UNC45A: variants seen among roughly 807,000 people sequenced by gnomAD.
The protein encoded by UNC45A is protein unc-45 homolog A.
UNC45A carries 78 observed loss-of-function variants against 103.2 expected under a neutral mutation model. That is an observed-to-expected ratio of 0.76 (90% CI 0.63 to 0.91). The LOEUF (loss-of-function observed/expected upper bound fraction) is 0.91. UNC45A is among the 40% of genes least tolerant of loss of function. The pLI, the probability that UNC45A is intolerant of heterozygous loss-of-function variation, is 0.00. For missense variants in UNC45A, 1,193 were observed against 1,224.8 expected (o/e 0.97, Z 0.39); for synonymous variants, 495 against 504.6 (o/e 0.98, Z 0.25).
At position 90,946,679 on chromosome 15, in the gene UNC45A, T is replaced by C. The variant is rs750564994; in HGVS notation, c.1265T>C (p.Leu422Pro). 1.9e-6 allele frequency: 3 copies of C among 1,612,428 alleles called. No individual in the cohort carries two copies. The highest frequency in any genetic ancestry group is 2.2e-5 in the South Asian group (2 of 90,996). The change falls in exon 10 of 20, where the codon CTG becomes CCG. Residue 422 changes from leucine to proline, a missense_variant. Leu to Pro is a moderately conservative substitution (Grantham distance 98, BLOSUM62 -3). Transcript: ENST00000418476. ...GCCATCCAGACGGTGTCCTGCCTCCTGCAGGGCCCATGTGACGCTGGCAAC... is the reference window on the plus strand; with the variant it reads ...GCCATCCAGACGGTGTCCTGCCTCCCGCAGGGCCCATGTGACGCTGGCAAC... ...LRAIQTVSCL[L>P]QGPCDAGNRA...
chr15:90,950,516 G>A lies in UNC45A; in HGVS notation c.2204G>A (p.Arg735Gln), dbSNP rs528888745. The A allele has an allele frequency of 1.5e-5, 24 of 1,614,020 alleles. No homozygotes were observed. Among genetic ancestry groups the A allele is most frequent in the East Asian group, 2.2e-5 (1 of 44,890 alleles). ...FPGERIYEVVRPLVSLLHLNC... is the reference protein window; with the variant it reads ...FPGERIYEVVQPLVSLLHLNC... ...ACATTGCAGATCTATGAGGTGGTCCGGCCCCTCGTCTCCCTGTTGCACCTC... is the reference window on the plus strand; with the variant it reads ...ACATTGCAGATCTATGAGGTGGTCCAGCCCCTCGTCTCCCTGTTGCACCTC... The change falls in exon 17 of 20, where the codon CGG becomes CAG. Residue 735 changes from arginine (R) to glutamine (Q), a missense_variant. Physicochemically the swap from Arg to Gln is conservative, Grantham distance 43. Coordinates refer to ENST00000418476, the MANE Select transcript of UNC45A (RefSeq NM_018671.5).
At chr15:90,937,887 C>T (rs1284348168) in intron 4 of UNC45A, among the ~76,000 whole-genome samples, 1 of 152,144 alleles carries the variant, frequency 6.6e-6, no homozygotes, top group Non-Finnish European at 1.5e-5. Flanking sequence ...ACCTCTTCCT[C>T]CCGGGCTCAA....
Position 90,935,986 on chromosome 15 carries a change from G to A in UNC45A, c.250+4G>A. On this transcript the variant is annotated splice_donor_region_variant and intron_variant, in intron 3 of 19. Coordinates refer to ENST00000418476, the MANE Select transcript of UNC45A (RefSeq NM_018671.5). ...GCAGAAACAGAGGCATCCAAAGGTA[G>A]GGGAATGGTGGGCCCTGGTGTGGAG... 1 of 1,614,054 alleles carries A rather than the reference G, an allele frequency of 6.2e-7. No homozygotes were observed. The highest frequency in any genetic ancestry group is 8.5e-7 in the Non-Finnish European group (1 of 1,180,014).
At chr15:90,940,277 A>C (rs367689386) in intron 5 of UNC45A, 29 bp from the exon 6 acceptor site, 48 of 1,599,874 alleles carry the variant, frequency 3.0e-5, no homozygotes, top group African/African-American at 5.4e-5. Flanking sequence ...GTGCAGTGTC[A>C]ACATTATAAT....
chr15:90,946,590 C>A, intron 9 of UNC45A, 24 bp from the exon 10 acceptor site: 3 of 1,573,780 alleles, frequency 1.9e-6, no homozygotes, highest in Non-Finnish European at 2.6e-6. Context: ...CTTGGTGTGA[C>A]GGCTGTCACC....
chr15:90,932,221 G>A (rs2035825188), upstream of UNC45A: 3 of 1,228,460 alleles, frequency 2.4e-6, no homozygotes, highest in Middle Eastern at 2.6e-4. Flanking sequence ...CTAGCTGGGT[G>A]ACCTTGGTCA....
At chr15:90,936,895 G>A (rs1489008535) in intron 4 of UNC45A, among the ~76,000 whole-genome samples, 1 of 152,158 alleles carries the variant, frequency 6.6e-6, no homozygotes, top group Non-Finnish European at 1.5e-5. Context: ...AGCCTTTTTT[G>A]TAGTAAGAAA....
chr15:90,945,072 G>A lies in UNC45A; in HGVS notation c.1199+9G>A. On this transcript the variant is annotated intron_variant, in intron 9 of 19. Coordinates refer to ENST00000418476, the MANE Select transcript of UNC45A (RefSeq NM_018671.5). ...TGTGAAAACTACATCAAGTAAGGAA[G>A]TCTGTTTCACCTCCCGTTGCCAGGG... 6.2e-7 allele frequency: 1 copy of A among 1,610,612 alleles called. No homozygotes were observed.
chr15:90,931,162 C>T, upstream of UNC45A: 4 of 1,331,362 alleles, frequency 3.0e-6, no homozygotes, highest in Admixed American at 2.5e-5. Context: ...TTTTTGGCCT[C>T]TAATATCTGG....
At position 90,935,638 on chromosome 15, in the gene UNC45A, G is replaced by A; in HGVS notation, c.146G>A (p.Gly49Asp). 1 of 1,612,350 alleles carries A rather than the reference G, an allele frequency of 6.2e-7. No homozygotes were observed. Among genetic ancestry groups the A allele is most frequent in the Non-Finnish European group, 8.5e-7 (1 of 1,179,314 alleles). ...GALAAYTQAL[G>D]LDATPQDQAV... ...CTGGCGGCCTACACTCAGGCCCTGG[G>A]TCTGGACGCGACGCCCCAGGACCAG... The change falls in exon 2 of 20, where the codon GGT (glycine) becomes GAT (aspartate). Residue 49 changes from glycine to aspartate, a missense_variant. Coordinates refer to ENST00000418476, the MANE Select transcript of UNC45A (RefSeq NM_018671.5).
intron 9 of UNC45A, among the ~76,000 whole-genome samples, chr15:90,945,904 T>C (rs77706404): frequency 0.35 from 39,426 of 112,100 alleles, 5,531 homozygotes; most frequent in East Asian, 0.63. Context: ...CCTCCTAAAG[T>C]GCTGGGATTA....
intron 4 of UNC45A, among the ~76,000 whole-genome samples, chr15:90,939,489 C>G (rs71409368): frequency 0.057 from 8,744 of 152,282 alleles, 370 homozygotes; most frequent in South Asian, 0.15. Context: ...AAAAGGCACT[C>G]CAGCATCGGC....
intron 17 of UNC45A, 56 bp from the exon 18 acceptor site, chr15:90,952,873 T>C: frequency 2.6e-6 from 4 of 1,523,874 alleles, no homozygotes; most frequent in Non-Finnish European, 3.6e-6. Context: ...AACATGAGGG[T>C]TAGAAGGGAA....
At chr15:90,946,939 TGGGC>T in intron 10 of UNC45A, 25 bp downstream of exon 10, 1 of 839,530 alleles carries the variant, frequency 1.2e-6, no homozygotes, top group Non-Finnish European at 1.9e-6. Context: ...CTGGGGTGGG[TGGGC>T]AGGCAGCCAG....
At chr15:90,942,375 G>A (rs1185855908) in intron 6 of UNC45A, 62 bp from the exon 7 acceptor site, 3 of 1,532,582 alleles carry the variant, frequency 2.0e-6, no homozygotes, top group African/African-American at 1.4e-5. Context: ...TCACAGTTAG[G>A]GATCTCTGTG....
Position 90,946,809 on chromosome 15 carries a change from C to G in UNC45A, c.1395C>G (p.Ala465=). The G allele has an allele frequency of 6.2e-7, 1 of 1,614,196 alleles. No individual in the cohort carries two copies. The highest frequency in any genetic ancestry group is 8.5e-7 in the Non-Finnish European group (1 of 1,180,032). Reference sequence around the variant, plus strand: ...CCGTGGAGGCTCTGATCCATGCAGCCGGCAAGGCTAAGCGGGCCTCATTCA... The same window carrying G: ...CCGTGGAGGCTCTGATCCATGCAGCGGGCAAGGCTAAGCGGGCCTCATTCA... The part of the protein sequence containing the change: ...LVAVEALIHA[A]GKAKRASFIT... Residue 465 remains alanine, a synonymous_variant, in exon 10 of 20, where the codon GCC becomes GCG. Transcript: ENST00000418476.
chr15:90,950,493 A>T lies in UNC45A; in HGVS notation c.2188-7A>T. The T allele has an allele frequency of 6.2e-7, 1 of 1,613,692 alleles. No homozygotes were observed. The highest frequency in any genetic ancestry group is 8.5e-7 in the Non-Finnish European group (1 of 1,179,864). On this transcript the variant is annotated splice_polypyrimidine_tract_variant and splice_region_variant and intron_variant, in intron 16 of 19. Coordinates refer to ENST00000418476, the MANE Select transcript of UNC45A (RefSeq NM_018671.5). ...AGTACCCCTGACAGGTGGGGTGCAC[A>T]TTGCAGATCTATGAGGTGGTCCGGC...
Position 90,944,958 on chromosome 15 carries a change from C to T in UNC45A, c.1094C>T (p.Ala365Val), listed in dbSNP as rs187529338. 6 of 1,612,590 alleles carry T rather than the reference C, an allele frequency of 3.7e-6. No homozygotes were observed. The highest frequency in any genetic ancestry group is 4.5e-5 in the East Asian group (2 of 44,896). The stretch of plus-strand genomic sequence containing the variant: ...CCTCCTGGGGAGCTCGCAGTGACCG[C>T]AAACAGCCGCATGAGCGCCTCTATT... ...QDPPGELAVTANSRMSASILL... is the reference protein window; with the variant it reads ...QDPPGELAVTVNSRMSASILL... Residue 365 changes from alanine to valine, a missense_variant, in exon 9 of 20, where the codon GCA becomes GTA. Ala to Val is a moderately conservative substitution (Grantham distance 64). Coordinates refer to ENST00000418476, the MANE Select transcript of UNC45A (RefSeq NM_018671.5).
chr15:90,947,682 T>A (rs1377306750), intron 10 of UNC45A, 114 bp from the exon 11 acceptor site: 3 of 708,386 alleles, frequency 4.2e-6, no homozygotes, highest in Non-Finnish European at 7.5e-6. Context: ...TTTGTCTGTG[T>A]AGCTTCCAGG....
Sources: gnomAD v4.1 joint callset for allele counts (sites outside exome capture counted in the v4.1 genomes callset) on GRCh38, gnomAD v4.1.1 for gene constraint, MANE v1.5 for transcripts, NCBI Gene and HGNC (gene_info 2026-07-23, HGNC 2026-07-21) for gene names.